The following IPO11 variants were observed in gnomAD, a reference collection of about 807,000 sequenced individuals.
IPO11 encodes the protein importin-11.
A neutral mutation model predicts 143.2 loss-of-function variants in IPO11; 66 were observed. The observed-to-expected ratio is 0.46, with a 90% CI of 0.38 to 0.57. IPO11 has a LOEUF of 0.57. Among genes scored for constraint, IPO11 ranks in the 20% least tolerant of loss-of-function variants. The pLI is 0.00. For missense variants in IPO11, 1,026 were observed against 1,141.0 expected, an observed-to-expected ratio of 0.90 and a Z score of 1.45; for synonymous variants, 385 against 377.8, an observed-to-expected ratio of 1.02 and a Z score of -0.22.
chr5:62,470,352 T>G (rs1441552150), intron 7 of IPO11, 44 bp downstream of exon 7: 3 of 1,521,210 alleles, frequency 2.0e-6, no homozygotes, highest in Non-Finnish European at 2.7e-6. Context: ...GAAAGTGGTA[T>G]TTTCCTGAAT....
chr5:62,579,701 C>G lies in IPO11; in HGVS notation c.2583-11876C>G, dbSNP rs766037655. 1.9e-6 allele frequency: 3 copies of G among 1,548,230 alleles called. No homozygotes were observed. In the African/African-American group the frequency reaches 4.1e-5, roughly 21 times the overall value. On this transcript the variant is annotated intron_variant, in intron 27 of 29. Coordinates refer to ENST00000325324, the MANE Select transcript of IPO11 (RefSeq NM_016338.5). ...TTAACAGGACTTCATTCTCTTGTAG[C>G]ATTGTATTTGGATAATTCTAACATT...
intron 27 of IPO11, among the ~76,000 whole-genome samples, chr5:62,584,069 A>G (rs1313368888): frequency 6.6e-6 from 1 of 152,246 alleles, no homozygotes; most frequent in Admixed American, 6.5e-5. Flanking sequence ...CTCATAACAA[A>G]TGACCAATAT....
At chr5:62,579,942 C>T in intron 27 of IPO11, 2 of 1,551,280 alleles carry the variant, frequency 1.3e-6, no homozygotes, top group Non-Finnish European at 8.7e-7. Flanking sequence ...GGAATCGCCT[C>T]ACTGTCCTTG....
chr5:62,553,723 G>T (rs1404152269), intron 26 of IPO11, among the ~76,000 whole-genome samples: 1 of 150,628 alleles, frequency 6.6e-6, no homozygotes, highest in Non-Finnish European at 1.5e-5. Context: ...GTTGTGATTT[G>T]CATTTCCCTG....
intron 24 of IPO11, among the ~76,000 whole-genome samples, chr5:62,546,036 G>A (rs1001057841): frequency 6.6e-6 from 1 of 152,204 alleles, no homozygotes; most frequent in Non-Finnish European, 1.5e-5. Context: ...GGAAGACAGT[G>A]TGGCAATTCC....
chr5:62,463,174 C>T (rs1303612937), intron 5 of IPO11, among the ~76,000 whole-genome samples: 3 of 151,722 alleles, frequency 2.0e-5, no homozygotes, highest in South Asian at 2.1e-4. Context: ...TGCAAGTAGC[C>T]GAGATTACAG....
chr5:62,425,686 C>G (rs1347463889), intron 1 of IPO11, among the ~76,000 whole-genome samples: 1 of 152,144 alleles, frequency 6.6e-6, no homozygotes, highest in Non-Finnish European at 1.5e-5. Context: ...AAGAAAGAAG[C>G]AAGTTGATGT....
At chr5:62,491,469 G>A (rs1243325463) in intron 15 of IPO11, among the ~76,000 whole-genome samples, 2 of 152,128 alleles carry the variant, frequency 1.3e-5, no homozygotes, top group Non-Finnish European at 2.9e-5. Flanking sequence ...GCTATTTAGT[G>A]TAAGACCTTC....
chr5:62,490,517 T>C (rs528338000), intron 15 of IPO11, among the ~76,000 whole-genome samples: 4 of 152,274 alleles, frequency 2.6e-5, no homozygotes, highest in Non-Finnish European at 5.9e-5. Context: ...GTATGCCTAG[T>C]GTCAGAAGTA....
At chr5:62,560,456 A>G (rs1253314501) in intron 26 of IPO11, among the ~76,000 whole-genome samples, 2 of 152,186 alleles carry the variant, frequency 1.3e-5, no homozygotes, top group East Asian at 1.9e-4. Context: ...CACATTATCT[A>G]GGGCATTCTC....
intron 26 of IPO11, among the ~76,000 whole-genome samples, chr5:62,554,439 A>G (rs1743499100): frequency 6.6e-6 from 1 of 152,106 alleles, no homozygotes; most frequent in South Asian, 2.1e-4. Flanking sequence ...TAGTTCATCT[A>G]GAGTTGATTT....
At chr5:62,455,471 C>T (rs932553555) in intron 5 of IPO11, among the ~76,000 whole-genome samples, 1 of 152,072 alleles carries the variant, frequency 6.6e-6, no homozygotes, top group African/African-American at 2.4e-5. Context: ...TGCAGTGAAC[C>T]GAGATTGCGC....
intron 24 of IPO11, among the ~76,000 whole-genome samples, chr5:62,540,993 A>T (rs1742916083): frequency 6.6e-6 from 1 of 152,234 alleles, no homozygotes; most frequent in Non-Finnish European, 1.5e-5. Flanking sequence ...ATTTACTTTT[A>T]AAACTAAGCA....
At chr5:62,513,217 A>AC (rs1191684780) in intron 19 of IPO11, among the ~76,000 whole-genome samples, 552 of 143,522 alleles carry the variant, frequency 3.8e-3, no homozygotes, top group Admixed American at 8.4e-3. Context: ...CGGGGCGCTG[A>AC]CCCCCCCATC....
At chr5:62,540,734 G>A (rs148521454) in intron 24 of IPO11, among the ~76,000 whole-genome samples, 56 of 152,298 alleles carry the variant, frequency 3.7e-4, no homozygotes, top group African/African-American at 1.3e-3. Context: ...ACTTCCTAGA[G>A]TTGATGTGAG....
At chr5:62,474,758 A>G (rs1331705150) in intron 8 of IPO11, among the ~76,000 whole-genome samples, 1 of 152,158 alleles carries the variant, frequency 6.6e-6, no homozygotes, top group Admixed American at 6.5e-5. Context: ...CTACGAACCA[A>G]GACCTACAGC....
At chr5:62,617,819 A>G (rs1433508130) in intron 29 of IPO11, among the ~76,000 whole-genome samples, 1 of 152,198 alleles carries the variant, frequency 6.6e-6, no homozygotes, top group Non-Finnish European at 1.5e-5. Context: ...ATGTAAGATT[A>G]TAACATTTTT....
intron 20 of IPO11, among the ~76,000 whole-genome samples, chr5:62,524,735 T>C (rs77898071): frequency 0.02 from 2,977 of 152,266 alleles, 94 homozygotes; most frequent in African/African-American, 0.065. Flanking sequence ...AAATAATGTA[T>C]TGTACACTGG....
At chr5:62,463,075 A>C (rs539726649) in intron 5 of IPO11, among the ~76,000 whole-genome samples, 1 of 151,810 alleles carries the variant, frequency 6.6e-6, no homozygotes, top group South Asian at 2.1e-4. Flanking sequence ...ACAGTGTCTC[A>C]CTCTTGTCCT....
Sources: gnomAD v4.1 joint callset for allele counts (sites outside exome capture counted in the v4.1 genomes callset) on GRCh38, gnomAD v4.1.1 for gene constraint, MANE v1.5 for transcripts, NCBI Gene and HGNC (gene_info 2026-07-23, HGNC 2026-07-21) for gene names.